The following GRK5 variants were observed in gnomAD, a reference collection of about 807,000 sequenced individuals.
GRK5 encodes G protein-coupled receptor kinase 5, also known as g protein-coupled receptor kinase GRK5.
GRK5 carries 40 observed loss-of-function variants against 78.4 expected under a neutral mutation model. The observed-to-expected ratio is 0.51, with a 90% confidence interval of 0.40 to 0.66. The LOEUF is 0.66. GRK5 is among the 30% of genes least tolerant of loss of function. The probability of loss-of-function intolerance (pLI) is 0.00; values close to 1 mark genes in which losing one functional copy is unlikely to be tolerated. For synonymous variants in GRK5, 289 were observed against 296.8 expected (o/e 0.97, Z 0.27); for missense variants, 598 against 759.9 (o/e 0.79, Z 2.50).
chr10:119,392,829 A>C (rs907488862), intron 3 of GRK5, among the ~76,000 whole-genome samples: 2 of 152,218 alleles, frequency 1.3e-5, no homozygotes, highest in African/African-American at 4.8e-5. Context: ...CACTCTTTGC[A>C]TACAGTTTAC....
intron 3 of GRK5, among the ~76,000 whole-genome samples, chr10:119,388,960 G>A (rs939390295): frequency 1.3e-5 from 2 of 152,322 alleles, no homozygotes; most frequent in East Asian, 1.9e-4. Flanking sequence ...AGAGAACATG[G>A]TAGGAGCTGC....
rs988752454 is a variant in GRK5, at chr10:119,412,473, C to T, written c.340-10693C>T. Among the ~76,000 whole-genome samples, 2 of 152,168 alleles carry T rather than the reference C, an allele frequency of 1.3e-5. No homozygotes were observed. Among genetic ancestry groups the T allele is most frequent in the Non-Finnish European group, 2.9e-5 (2 of 68,036 alleles). On this transcript the variant is annotated intron_variant, in intron 4 of 15. Coordinates refer to ENST00000392870, the MANE Select transcript of GRK5 (RefSeq NM_005308.3). The surrounding 1 kb of genome is among the most constrained non-coding windows in gnomAD (Gnocchi z 4.3). ...GCCACGAGCCCGCACAGCTCGTGAG[C>T]GTGTGGCCGGACTGATTTATTTTTC...
chr10:119,316,860 C>T (rs539564987), intron 1 of GRK5, among the ~76,000 whole-genome samples: 52 of 152,260 alleles, frequency 3.4e-4, no homozygotes, highest in African/African-American at 1.2e-3. Context: ...TCTGGCCCCC[C>T]GTCCCTCCCT....
At chr10:119,242,069 G>A (rs1190461449) in intron 1 of GRK5, among the ~76,000 whole-genome samples, 5 of 152,124 alleles carry the variant, frequency 3.3e-5, no homozygotes, top group Non-Finnish European at 7.4e-5. Context: ...TGGGGGAGGA[G>A]GGAGACATCT....
At chr10:119,311,738 A>T (rs973290184) in intron 1 of GRK5, among the ~76,000 whole-genome samples, 3 of 151,120 alleles carry the variant, frequency 2.0e-5, no homozygotes, top group African/African-American at 7.3e-5. Context: ...GTGAACTGAG[A>T]TTGCTCTACC....
At chr10:119,423,139 C>T (rs1470935228) in intron 4 of GRK5, 27 bp from the exon 5 acceptor site, 2 of 1,520,004 alleles carry the variant, frequency 1.3e-6, no homozygotes, top group East Asian at 2.2e-5. Context: ...TCCTCACTGA[C>T]CACCTCCCTT....
intron 2 of GRK5, among the ~76,000 whole-genome samples, chr10:119,339,196 G>C (rs1194356326): frequency 6.6e-6 from 1 of 152,170 alleles, no homozygotes; most frequent in Non-Finnish European, 1.5e-5. Flanking sequence ...GGTGTGAGAA[G>C]GATTTTTCTG....
intron 1 of GRK5, among the ~76,000 whole-genome samples, chr10:119,290,710 C>G (rs1305840599): frequency 1.3e-5 from 2 of 151,966 alleles, no homozygotes; most frequent in African/African-American, 4.8e-5. Flanking sequence ...TTCCGAGTCC[C>G]TCTGAGACAT....
intron 1 of GRK5, among the ~76,000 whole-genome samples, chr10:119,228,799 T>G (rs540922454): frequency 6.6e-6 from 1 of 152,130 alleles, no homozygotes; most frequent in African/African-American, 2.4e-5. Context: ...GCCTTGTAAA[T>G]GTAAGGCCAC....
At chr10:119,324,286 A>G (rs1850637427) in intron 1 of GRK5, among the ~76,000 whole-genome samples, 1 of 152,156 alleles carries the variant, frequency 6.6e-6, no homozygotes, top group Admixed American at 6.5e-5. Flanking sequence ...GTGACTTGCT[A>G]CCTTTCCCCC....
intron 1 of GRK5, among the ~76,000 whole-genome samples, chr10:119,288,487 T>C (rs776703939): frequency 5.3e-5 from 8 of 152,178 alleles, no homozygotes; most frequent in Non-Finnish European, 5.9e-5. Flanking sequence ...CAAAGCTTTA[T>C]TGTGGGTTCT....
chr10:119,355,733 T>C (rs1851254137), intron 2 of GRK5, among the ~76,000 whole-genome samples: 1 of 152,182 alleles, frequency 6.6e-6, no homozygotes, highest in South Asian at 2.1e-4. Flanking sequence ...TGAGCTGAGA[T>C]TGAGCCACTG....
At chr10:119,300,990 G>A (rs1406457351) in intron 1 of GRK5, among the ~76,000 whole-genome samples, 1 of 152,092 alleles carries the variant, frequency 6.6e-6, no homozygotes, top group Non-Finnish European at 1.5e-5. Context: ...TGTAATCCCG[G>A]CTACTTGGAA....
chr10:119,227,538 T>C (rs1292486175), intron 1 of GRK5, among the ~76,000 whole-genome samples: 1 of 152,064 alleles, frequency 6.6e-6, no homozygotes, highest in African/African-American at 2.4e-5. Context: ...GGCACTGCAC[T>C]CCAGCCTGGG....
intron 1 of GRK5, among the ~76,000 whole-genome samples, chr10:119,291,989 T>TCTCCTCCTCTTCCTC (rs1564879536): frequency 0.017 from 59 of 3,442 alleles, 4 homozygotes; most frequent in Non-Finnish European, 0.022. Flanking sequence ...TCTTCCTCCT[T>TCTCCTCCTCTTCCTC]CTTCTCCTCC....
intron 11 of GRK5, among the ~76,000 whole-genome samples, chr10:119,443,272 C>T (rs1014046781): frequency 5.3e-5 from 8 of 152,194 alleles, no homozygotes; most frequent in East Asian, 3.9e-4. Flanking sequence ...CATATTGTTA[C>T]GGTAGTGAAT....
chr10:119,218,350 A>G (rs1848608909), intron 1 of GRK5, among the ~76,000 whole-genome samples: 1 of 152,184 alleles, frequency 6.6e-6, no homozygotes, highest in African/African-American at 2.4e-5. Flanking sequence ...GAATTACCCA[A>G]CTGCTGGATG....
chr10:119,292,491 A>G (rs2133707661), intron 1 of GRK5, among the ~76,000 whole-genome samples: 1 of 152,340 alleles, frequency 6.6e-6, no homozygotes, highest in East Asian at 1.9e-4. Context: ...CCAATACCCT[A>G]AACCTCCCCA....
intron 1 of GRK5, among the ~76,000 whole-genome samples, chr10:119,249,219 C>T (rs1849159335): frequency 6.6e-6 from 1 of 151,494 alleles, no homozygotes. Flanking sequence ...TGCAGTGAGC[C>T]GAGATCGTGC....
Sources: gnomAD v4.1 joint callset for allele counts (sites outside exome capture counted in the v4.1 genomes callset) on GRCh38, gnomAD v4.1.1 for gene constraint, Gnocchi (gnomAD v3.1) non-coding constraint, MANE v1.5 for transcripts, NCBI Gene and HGNC (gene_info 2026-07-23, HGNC 2026-07-21) for gene names.